The following ZNF608 variants were observed in gnomAD, a reference collection of about 807,000 sequenced individuals.
ZNF608 encodes the protein renal carcinoma antigen NY-REN-36.
Under a neutral mutation model 109.0 loss-of-function variants are expected in ZNF608, and 12 were observed. The observed-to-expected ratio is 0.11, with a 90% CI of 0.07 to 0.18. The LOEUF is 0.18. ZNF608 is among the 10% of genes least tolerant of loss of function. ZNF608 has a pLI of 1.00. For missense variants in ZNF608, 1,707 were observed against 1,879.3 expected, an observed-to-expected ratio of 0.91 and a Z score of 1.70; for synonymous variants, 732 against 717.4, an observed-to-expected ratio of 1.02 and a Z score of -0.33.
chr5:124,738,331 G>C (rs1393255174), intron 2 of ZNF608, among the ~76,000 whole-genome samples: 1 of 152,188 alleles, frequency 6.6e-6, no homozygotes, highest in East Asian at 1.9e-4. Flanking sequence ...TATTTCCTTA[G>C]TTCTGACTTC....
intron 2 of ZNF608, among the ~76,000 whole-genome samples, chr5:124,732,076 A>G (rs1336481434): frequency 1.3e-5 from 2 of 152,178 alleles, no homozygotes; most frequent in Admixed American, 1.3e-4. Context: ...TGAAGCTATC[A>G]GCCATTATTT....
intron 3 of ZNF608, among the ~76,000 whole-genome samples, chr5:124,682,920 G>A (rs1752251814): frequency 1.3e-5 from 2 of 152,182 alleles, no homozygotes; most frequent in African/African-American, 4.8e-5. Flanking sequence ...TCCCCTGAGT[G>A]TGGGCTGAAC....
intron 3 of ZNF608, among the ~76,000 whole-genome samples, chr5:124,698,217 G>A (rs1293191471): frequency 6.6e-6 from 1 of 152,072 alleles, no homozygotes; most frequent in Non-Finnish European, 1.5e-5. Flanking sequence ...CTCCCAAAAG[G>A]AAAAAATTAA....
intron 1 of ZNF608, 180 bp downstream of exon 1, chr5:124,746,015 G>A (rs976312014): frequency 2.1e-5 from 9 of 437,852 alleles, no homozygotes; most frequent in Non-Finnish European, 2.7e-5. Flanking sequence ...AACTGATTAA[G>A]ACATACACTT....
At position 124,647,900 on chromosome 5, in the gene ZNF608, T is replaced by A. The variant is rs1580534490; in HGVS notation, c.2484A>T (p.Gly828=). The A allele has an allele frequency of 1.2e-6, 2 of 1,614,104 alleles. No individual in the cohort carries two copies. Among genetic ancestry groups the A allele is most frequent in the Non-Finnish European group, 1.7e-6 (2 of 1,180,040 alleles). ...CCAGCTTGGCATCCATTTTTGGGCT[T>A]CCCGTCTCTTTCCCTTCTTTGTCCT... ...KLKDKEGKET[G]SPKMDAKLGK... is the part of the protein sequence containing the mutation. Residue 828 remains glycine (G), a synonymous_variant, in exon 5 of 10, where the codon GGA becomes GGT. Transcript: ENST00000513986.
At chr5:124,716,109 C>CT (rs1753688021) in intron 2 of ZNF608, among the ~76,000 whole-genome samples, 1 of 140,136 alleles carries the variant, frequency 7.1e-6, no homozygotes, top group African/African-American at 2.7e-5. Context: ...CGCCACTGCA[C>CT]TCCAGCCTGG....
intron 2 of ZNF608, among the ~76,000 whole-genome samples, chr5:124,707,243 C>T (rs1753301780): frequency 6.6e-6 from 1 of 152,140 alleles, no homozygotes. Flanking sequence ...CTCGAGCACT[C>T]CTGCTCCACC....
intron 3 of ZNF608, among the ~76,000 whole-genome samples, chr5:124,668,214 A>C (rs1041993070): frequency 7.2e-6 from 1 of 139,784 alleles, no homozygotes; most frequent in Non-Finnish European, 1.6e-5. Context: ...ATATATATAT[A>C]TATTATATAT....
intron 2 of ZNF608, among the ~76,000 whole-genome samples, chr5:124,702,708 C>T (rs117283000): frequency 6.6e-6 from 1 of 152,154 alleles, no homozygotes; most frequent in Non-Finnish European, 1.5e-5. Context: ...ACAGAACAGC[C>T]TTTCACCCAT....
chr5:124,671,580 A>G (rs1751723531), intron 3 of ZNF608, among the ~76,000 whole-genome samples: 1 of 152,058 alleles, frequency 6.6e-6, no homozygotes, highest in African/African-American at 2.4e-5. Context: ...TATATGGAGA[A>G]AGAAACTAGG....
intron 2 of ZNF608, among the ~76,000 whole-genome samples, chr5:124,707,005 T>A (rs1036163359): frequency 6.6e-6 from 1 of 152,046 alleles, no homozygotes; most frequent in Admixed American, 6.6e-5. Context: ...GAGGGCTGGG[T>A]TGGGGGCGGG....
chr5:124,685,618 G>GA lies in ZNF608; in HGVS notation c.1162+15395dup, dbSNP rs763936854. Among the ~76,000 whole-genome samples the GA allele has an allele frequency of 3.9e-3, 528 of 135,964 alleles. 1 individual carries two copies. Among genetic ancestry groups the GA allele is most frequent in the Middle Eastern group, 7.4e-3 (2 of 270 alleles). 89.2% of individuals were successfully genotyped at this position (135,964 alleles called of 152,430 possible). ...AGTCAGGGTAGAGTCAAATCTAGAG[G>GA]AAAAAAAAAAAAAACAACAACAGCA... On this transcript the variant is annotated intron_variant, in intron 3 of 9. Coordinates refer to ENST00000513986, the MANE Select transcript of ZNF608 (RefSeq NM_020747.3).
rs187226350 is a variant in ZNF608, at chr5:124,676,769, T to C, written c.1162+24245A>G. Among the ~76,000 whole-genome samples, 9 of 152,344 alleles carry C rather than the reference T, an allele frequency of 5.9e-5. No individual in the cohort carries two copies. The East Asian group carries it at 1.7e-3, about 29-fold the overall frequency. ...GCATTAACAGTGAACTCATGCTTCA[T>C]GTTGAGTGAAAAAAGCAAGTTGGAA... On this transcript the variant is annotated intron_variant, in intron 3 of 9. Coordinates refer to ENST00000513986, the MANE Select transcript of ZNF608 (RefSeq NM_020747.3).
At chr5:124,737,635 T>A (rs1290357039) in intron 2 of ZNF608, among the ~76,000 whole-genome samples, 1 of 152,210 alleles carries the variant, frequency 6.6e-6, no homozygotes, top group Non-Finnish European at 1.5e-5. Context: ...TGCTTTGTGA[T>A]CATTTCAGTT....
chr5:124,704,896 C>G (rs932516759), intron 2 of ZNF608, among the ~76,000 whole-genome samples: 1 of 151,976 alleles, frequency 6.6e-6, no homozygotes, highest in Non-Finnish European at 1.5e-5. Flanking sequence ...ACACATAAAA[C>G]GATGGCATCC....
At chr5:124,684,686 A>G (rs1252479866) in intron 3 of ZNF608, among the ~76,000 whole-genome samples, 1 of 152,188 alleles carries the variant, frequency 6.6e-6, no homozygotes, top group Non-Finnish European at 1.5e-5. Context: ...AGAGTTCCCA[A>G]CAGAAGCTCA....
chr5:124,670,335 TTC>T lies in ZNF608; in HGVS notation c.1163-20640_1163-20639del, dbSNP rs1278144887. ...AAGTGCAGCTATCCTTTTTCTTTCT[TTC>T]TTTTTTTTTTTAATGGAAAGGCTCT... On this transcript the variant is annotated intron_variant, in intron 3 of 9. Transcript: ENST00000513986. Among the ~76,000 whole-genome samples the T allele has an allele frequency of 3.8e-3, 581 of 151,258 alleles. 4 individuals carry two copies. Among genetic ancestry groups the T allele is most frequent in the African/African-American group, 0.013 (521 of 41,086 alleles).
At chr5:124,645,972 T>C (rs1166116003) in intron 5 of ZNF608, among the ~76,000 whole-genome samples, 1 of 152,082 alleles carries the variant, frequency 6.6e-6, no homozygotes, top group Non-Finnish European at 1.5e-5. Context: ...AATTTGAAAA[T>C]GGAAAATAAA....
intron 2 of ZNF608, among the ~76,000 whole-genome samples, chr5:124,733,201 C>G (rs2149894368): frequency 6.8e-6 from 1 of 147,916 alleles, no homozygotes; most frequent in Middle Eastern, 3.6e-3. Context: ...ACCATTCATT[C>G]TCTCTATCTC....
Sources: allele counts gnomAD v4.1 joint callset (sites outside exome capture counted in the v4.1 genomes callset), GRCh38; gene constraint gnomAD v4.1.1; transcripts MANE v1.5; gene names NCBI Gene and HGNC (gene_info 2026-07-23, HGNC 2026-07-21).